The following EVL variants were observed in gnomAD, a reference collection of about 807,000 sequenced individuals.
EVL encodes the protein ena/VASP-like protein.
EVL carries 21 observed loss-of-function variants against 59.6 expected under a neutral mutation model. The ratio of observed to expected loss-of-function variants is 0.35; its 90% CI spans 0.25 to 0.51. EVL has a LOEUF of 0.51. Among genes scored for constraint, EVL ranks in the 20% least tolerant of loss-of-function variants. The pLI, the probability that EVL is intolerant of heterozygous loss-of-function variation, is 0.97. For synonymous variants in EVL, 198 were observed against 203.5 expected (o/e 0.97, Z 0.23); for missense variants, 462 against 546.6 (o/e 0.85, Z 1.54).
In EVL at chr14:100,088,981, A is replaced by G. The variant is rs79510528; in HGVS notation, c.180+4126A>G. Among the ~76,000 whole-genome samples the G allele has an allele frequency of 5.9e-3, 903 of 152,364 alleles. 6 individuals are homozygous for G. The highest frequency in any genetic ancestry group is 0.021 in the African/African-American group (861 of 41,580). ...AAAGATAAACCTTACAAACACCAAA[A>G]GAAATTGATGTGGCTATGTTAATAT... On this transcript the variant is annotated intron_variant, in intron 2 of 13. Transcript: ENST00000392920.
At chr14:100,009,685 C>T (rs1003241759) in intron 1 of EVL, among the ~76,000 whole-genome samples, 8 of 152,124 alleles carry the variant, frequency 5.3e-5, no homozygotes, top group African/African-American at 1.9e-4. Context: ...GAGATTTATT[C>T]TGTGCCAAAT....
At chr14:100,091,713 A>G (rs1232079732) in intron 2 of EVL, among the ~76,000 whole-genome samples, 3 of 152,100 alleles carry the variant, frequency 2.0e-5, no homozygotes, top group Non-Finnish European at 4.4e-5. Flanking sequence ...TAGCAAATTC[A>G]TCAGACCCAA....
At chr14:100,014,034 A>G (rs944136567) in intron 1 of EVL, among the ~76,000 whole-genome samples, 8 of 152,254 alleles carry the variant, frequency 5.3e-5, no homozygotes, top group African/African-American at 1.9e-4. Flanking sequence ...TGTTGCTGAC[A>G]TTCCAGTTAT....
intron 1 of EVL, among the ~76,000 whole-genome samples, chr14:100,059,031 T>C: frequency 6.6e-6 from 1 of 152,176 alleles, no homozygotes; most frequent in East Asian, 1.9e-4. Context: ...GCTAGCATCT[T>C]CAGAAAATGA....
chr14:99,987,146 T>A (rs1357266992), intron 1 of EVL, among the ~76,000 whole-genome samples: 1 of 152,144 alleles, frequency 6.6e-6, no homozygotes, highest in Non-Finnish European at 1.5e-5. Flanking sequence ...TATTTGCAAA[T>A]CATATATCTG....
At chr14:100,052,327 C>T (rs1486070492) in intron 1 of EVL, among the ~76,000 whole-genome samples, 1 of 152,206 alleles carries the variant, frequency 6.6e-6, no homozygotes, top group East Asian at 1.9e-4. Context: ...AGAGCTTACA[C>T]TTACATATTA....
chr14:100,114,173 G>C lies in EVL; in HGVS notation c.359-9366G>C, dbSNP rs916006162. Among the ~76,000 whole-genome samples the C allele has an allele frequency of 6.6e-6, 1 of 151,704 alleles. No homozygotes were observed. Among genetic ancestry groups the C allele is most frequent in the African/African-American group, 2.4e-5 (1 of 41,306 alleles). On this transcript the variant is annotated intron_variant, in intron 3 of 13. Coordinates refer to ENST00000392920, the MANE Select transcript of EVL (RefSeq NM_016337.3). This position sits in a 1 kb window ranked among gnomAD's most constrained non-coding sequence, Gnocchi z 5.0. Reference sequence around the variant, plus strand: ...AAGGAGCGAAGCGAAGGAGGGCCGGGGGGGAATCAAATGAGCCTTACTTCT... The same window carrying C: ...AAGGAGCGAAGCGAAGGAGGGCCGGCGGGGAATCAAATGAGCCTTACTTCT...
chr14:100,037,277 C>CT (rs1443179938), intron 1 of EVL, among the ~76,000 whole-genome samples: 3 of 152,204 alleles, frequency 2.0e-5, no homozygotes, highest in Admixed American at 6.5e-5. Context: ...ACTGTCTAGT[C>CT]TAATTTCTCC....
intron 1 of EVL, among the ~76,000 whole-genome samples, chr14:100,036,139 C>T (rs2061385195): frequency 6.6e-6 from 1 of 152,192 alleles, no homozygotes. Context: ...AGAAACCCTA[C>T]TGTGAACTGT....
intron 8 of EVL, among the ~76,000 whole-genome samples, chr14:100,134,350 TAAG>T (rs887778791): frequency 6.6e-5 from 10 of 152,228 alleles, no homozygotes; most frequent in African/African-American, 2.4e-4. Flanking sequence ...CCTGGAGCTC[TAAG>T]AAGAATGGAT....
chr14:100,023,047 G>C lies in EVL; in HGVS notation c.5+50990G>C, dbSNP rs146913293. Among the ~76,000 whole-genome samples the C allele has an allele frequency of 3.2e-4, 49 of 152,264 alleles. No homozygotes were observed. In the East Asian group the frequency reaches 6.6e-3, roughly 20 times the overall value. On this transcript the variant is annotated intron_variant, in intron 1 of 13. Coordinates refer to the EVL transcript ENST00000402714. ...CTGCTGCCTGGGTCCCACGCCTAGA[G>C]AGTAATAGGAGCTTGAGAGGTTGGG...
chr14:100,122,632 C>A (rs1887771679), intron 3 of EVL, among the ~76,000 whole-genome samples: 2 of 152,204 alleles, frequency 1.3e-5, no homozygotes, highest in Admixed American at 1.3e-4. Context: ...AAAGCCACTT[C>A]CCCATCTTGT....
intron 1 of EVL, among the ~76,000 whole-genome samples, chr14:99,998,833 A>G (rs138790785): frequency 2.0e-4 from 30 of 152,238 alleles, no homozygotes; most frequent in Middle Eastern, 3.4e-3. Flanking sequence ...ATGTTGCCCC[A>G]TTTTGCTCAG....
intron 1 of EVL, among the ~76,000 whole-genome samples, chr14:100,022,766 C>G (rs2061147963): frequency 6.6e-6 from 1 of 152,120 alleles, no homozygotes; most frequent in Non-Finnish European, 1.5e-5. Flanking sequence ...GCATTTTAAC[C>G]AGAACTTAAG....
intron 1 of EVL, among the ~76,000 whole-genome samples, chr14:99,988,534 A>C (rs1297395133): frequency 6.6e-6 from 1 of 152,220 alleles, no homozygotes; most frequent in East Asian, 1.9e-4. Flanking sequence ...TCAGTTTTTC[A>C]GAATGTTAGA....
chr14:100,057,383 G>A lies in EVL; in HGVS notation c.6-27304G>A, dbSNP rs144563707. On this transcript the variant is annotated intron_variant, in intron 1 of 13. Coordinates refer to the EVL transcript ENST00000402714. ...AGTCCCCCTAAGAGACTGCTCAGCT[G>A]ACATCGGGGTTTCTTTATTTGGCCA... Among the ~76,000 whole-genome samples, 155 of 152,310 alleles carry A rather than the reference G, an allele frequency of 1.0e-3. No homozygotes were observed. In the Middle Eastern group the frequency reaches 0.01, roughly 10 times the overall value.
intron 1 of EVL, among the ~76,000 whole-genome samples, chr14:100,009,220 C>T (rs565496790): frequency 6.6e-6 from 1 of 152,314 alleles, no homozygotes; most frequent in African/African-American, 2.4e-5. Context: ...ACCTAGACTC[C>T]ATACCTTAGG....
At chr14:99,994,623 A>G (rs2060900512) in intron 1 of EVL, among the ~76,000 whole-genome samples, 1 of 152,142 alleles carries the variant, frequency 6.6e-6, no homozygotes, top group South Asian at 2.1e-4. Flanking sequence ...CCATTAACAG[A>G]CTTATAGTTA....
At chr14:100,065,260 C>G (rs542437006), upstream of EVL, 4 of 253,484 alleles carry the variant, frequency 1.6e-5, no homozygotes, top group South Asian at 5.8e-4. Flanking sequence ...CAGCCGCCCA[C>G]GCTGGTGGGG....
Sources: allele counts gnomAD v4.1 joint callset (sites outside exome capture counted in the v4.1 genomes callset), GRCh38; gene constraint gnomAD v4.1.1; non-coding constraint Gnocchi (gnomAD v3.1); transcripts MANE v1.5; gene names NCBI Gene and HGNC (gene_info 2026-07-23, HGNC 2026-07-21).